NUMB: variants seen among roughly 807,000 people sequenced by gnomAD.
The protein encoded by NUMB is NUMB endocytic adaptor protein.
In NUMB, 29 loss-of-function variants were observed where a neutral mutation model predicts 59.7. That is an observed-to-expected ratio of 0.49 (90% CI 0.36 to 0.66). NUMB has a LOEUF of 0.66. Ranked by LOEUF, NUMB falls within the 30% of genes least tolerant of loss-of-function variation. The probability of loss-of-function intolerance (pLI) is 0.00; values close to 1 mark genes in which losing one functional copy is unlikely to be tolerated. For missense variants in NUMB, 723 were observed against 822.0 expected, an observed-to-expected ratio of 0.88 and a Z score of 1.47; for synonymous variants, 288 against 288.2, an observed-to-expected ratio of 1.00 and a Z score of 0.01.
At chr14:73,343,325 G>T (rs2139982808) in intron 4 of NUMB, among the ~76,000 whole-genome samples, 1 of 151,672 alleles carries the variant, frequency 6.6e-6, no homozygotes, top group Non-Finnish European at 1.5e-5. Context: ...GGTCTAAGGG[G>T]GAAAAAAAGA....
At chr14:73,317,250 C>T (rs1170735315) in intron 5 of NUMB, among the ~76,000 whole-genome samples, 1 of 152,110 alleles carries the variant, frequency 6.6e-6, no homozygotes, top group East Asian at 1.9e-4. Context: ...ATTTAAGAAA[C>T]AGGGTTTTGT....
intron 1 of NUMB, among the ~76,000 whole-genome samples, chr14:73,418,744 C>A (rs933542381): frequency 2.0e-5 from 3 of 151,686 alleles, no homozygotes; most frequent in Non-Finnish European, 4.4e-5. Flanking sequence ...GCACTCCAGC[C>A]TGGACAACAA....
At chr14:73,310,505 G>A (rs992054124) in intron 6 of NUMB, among the ~76,000 whole-genome samples, 24 of 152,252 alleles carry the variant, frequency 1.6e-4, no homozygotes, top group African/African-American at 5.8e-4. Flanking sequence ...AGGCATACCC[G>A]AGGAAAGCAG....
chr14:73,341,123 T>C (rs1427216965), intron 4 of NUMB, among the ~76,000 whole-genome samples: 1 of 152,186 alleles, frequency 6.6e-6, no homozygotes, highest in Non-Finnish European at 1.5e-5. Flanking sequence ...AAATTACCCA[T>C]CTTAGGTATT....
chr14:73,309,856 T>C (rs2139884164), intron 6 of NUMB, among the ~76,000 whole-genome samples: 1 of 151,758 alleles, frequency 6.6e-6, no homozygotes, highest in African/African-American at 2.4e-5. Flanking sequence ...AATATACTAA[T>C]TCAAGAGTGG....
At chr14:73,322,579 C>T (rs530515890) in intron 5 of NUMB, among the ~76,000 whole-genome samples, 253 of 152,216 alleles carry the variant, frequency 1.7e-3, no homozygotes, top group African/African-American at 5.8e-3. Context: ...TAGTTTTCCC[C>T]AGGAAGCTAT....
chr14:73,311,487 T>G (rs1353730253), intron 6 of NUMB, among the ~76,000 whole-genome samples: 1 of 152,210 alleles, frequency 6.6e-6, no homozygotes, highest in East Asian at 1.9e-4. Context: ...TGTTCCCTAC[T>G]GCTAAAGTTT....
At chr14:73,385,125 G>A (rs541284113) in intron 2 of NUMB, among the ~76,000 whole-genome samples, 1 of 151,838 alleles carries the variant, frequency 6.6e-6, no homozygotes, top group Non-Finnish European at 1.5e-5. Flanking sequence ...TAACCAGCGA[G>A]CACTTGAAAT....
intron 2 of NUMB, among the ~76,000 whole-genome samples, chr14:73,395,726 TA>T (rs145587511): frequency 0.23 from 34,863 of 152,140 alleles, 4,053 homozygotes; most frequent in Non-Finnish European, 0.25. Context: ...ATCATTCACA[TA>T]GGGATTAAAA....
chr14:73,449,557 A>G (rs1427794509), intron 1 of NUMB, among the ~76,000 whole-genome samples: 3 of 152,210 alleles, frequency 2.0e-5, no homozygotes, highest in Non-Finnish European at 4.4e-5. Flanking sequence ...AGGGCTGACT[A>G]TAATATGATA....
chr14:73,422,441 G>A (rs1321857281), intron 1 of NUMB, among the ~76,000 whole-genome samples: 1 of 152,074 alleles, frequency 6.6e-6, no homozygotes, highest in Non-Finnish European at 1.5e-5. Context: ...GAGTTGAATA[G>A]GATAAAAAGC....
chr14:73,286,910 T>C lies in NUMB; in HGVS notation c.655+200A>G, dbSNP rs545592238. 12 of 593,496 alleles carry C rather than the reference T, an allele frequency of 2.0e-5. No individual in the cohort carries two copies. The East Asian group carries it at 3.2e-4, about 16-fold the overall frequency. The allele number at this position is 593,496 out of a possible 1,614,324, so 36.8% of individuals were successfully genotyped here. On this transcript the variant is annotated intron_variant, in intron 9 of 12. Coordinates refer to ENST00000555238, the MANE Select transcript of NUMB (RefSeq NM_001005743.2). ...CTCTGATTCCTCAGATAGCTTACTA[T>C]AATGGAGTAAATATTTTTGAAGCCA...
chr14:73,283,586 GAAC>G (rs1167712126), intron 10 of NUMB, among the ~76,000 whole-genome samples: 1 of 152,230 alleles, frequency 6.6e-6, no homozygotes, highest in Non-Finnish European at 1.5e-5. Context: ...TGTCTGTGAT[GAAC>G]AACAGATCTT....
At chr14:73,330,538 G>C (rs1002419184) in intron 4 of NUMB, among the ~76,000 whole-genome samples, 1 of 152,122 alleles carries the variant, frequency 6.6e-6, no homozygotes, top group African/African-American at 2.4e-5. Context: ...CGACTTGTCT[G>C]TGTATTACTT....
At chr14:73,383,558 A>G (rs1055288273) in intron 2 of NUMB, among the ~76,000 whole-genome samples, 1 of 152,218 alleles carries the variant, frequency 6.6e-6, no homozygotes, top group Non-Finnish European at 1.5e-5. Flanking sequence ...AAGCAATATC[A>G]GAAGAGATAT....
intron 1 of NUMB, among the ~76,000 whole-genome samples, chr14:73,422,744 G>A (rs10135747): frequency 0.24 from 35,723 of 151,860 alleles, 5,131 homozygotes; most frequent in East Asian, 0.68. Flanking sequence ...CACTGAGCAA[G>A]ACTCATTTAT....
chr14:73,342,377 G>T (rs1050978925), intron 4 of NUMB, among the ~76,000 whole-genome samples: 4 of 152,170 alleles, frequency 2.6e-5, no homozygotes, highest in African/African-American at 9.7e-5. Flanking sequence ...GTCACACAGA[G>T]TTATCTTCCA....
At chr14:73,331,274 C>T (rs1891958443) in intron 4 of NUMB, among the ~76,000 whole-genome samples, 1 of 152,038 alleles carries the variant, frequency 6.6e-6, no homozygotes, top group African/African-American at 2.4e-5. Flanking sequence ...GACTGGGTGC[C>T]ATGGCTCAGG....
intron 6 of NUMB, among the ~76,000 whole-genome samples, chr14:73,311,454 C>T (rs1890773652): frequency 6.6e-6 from 1 of 152,156 alleles, no homozygotes; most frequent in South Asian, 2.1e-4. Context: ...GGATTACAGG[C>T]CTGTAACAGA....
Sources: gnomAD v4.1 joint callset for allele counts (sites outside exome capture counted in the v4.1 genomes callset) on GRCh38, gnomAD v4.1.1 for gene constraint, MANE v1.5 for transcripts, NCBI Gene and HGNC (gene_info 2026-07-23, HGNC 2026-07-21) for gene names.